The following CERS3 variants were observed in gnomAD, a reference collection of about 807,000 sequenced individuals.
CERS3 encodes the protein LAG1 homolog, ceramide synthase 3.
Under a neutral mutation model 50.3 loss-of-function variants are expected in CERS3, and 33 were observed. The ratio of observed to expected loss-of-function variants is 0.66; its 90% CI spans 0.50 to 0.88. CERS3 has a LOEUF of 0.88. Ranked by LOEUF, CERS3 falls within the 40% of genes least tolerant of loss-of-function variation. CERS3 has a pLI of 0.00. For missense variants in CERS3, 470 were observed against 460.3 expected (o/e 1.02, Z -0.19); for synonymous variants, 176 against 155.2 (o/e 1.13, Z -0.99).
intron 1 of CERS3, among the ~76,000 whole-genome samples, chr15:100,524,983 G>A (rs1451519384): frequency 6.6e-6 from 1 of 152,166 alleles, no homozygotes; most frequent in African/African-American, 2.4e-5. Context: ...CCTGAATATA[G>A]TAAGTAAAAG....
At chr15:100,513,247 G>A (rs11634709) in intron 2 of CERS3, among the ~76,000 whole-genome samples, 49,125 of 151,884 alleles carry the variant, frequency 0.32, 8,082 homozygotes, top group East Asian at 0.37. Context: ...AAATGCTCCA[G>A]GCGGCTACTG....
chr15:100,420,369 A>T (rs1324309501), intron 11 of CERS3, among the ~76,000 whole-genome samples: 1 of 152,216 alleles, frequency 6.6e-6, no homozygotes, highest in Non-Finnish European at 1.5e-5. Flanking sequence ...ACACTCTCCC[A>T]AGACTAAACC....
chr15:100,429,570 C>T (rs988516451), intron 11 of CERS3, among the ~76,000 whole-genome samples: 4 of 152,116 alleles, frequency 2.6e-5, no homozygotes, highest in African/African-American at 9.7e-5. Context: ...CCCTGGAGCG[C>T]CCACGCATTC....
intron 5 of CERS3, among the ~76,000 whole-genome samples, chr15:100,483,620 A>T (rs1288294301): frequency 1.3e-5 from 2 of 151,924 alleles, no homozygotes; most frequent in Non-Finnish European, 2.9e-5. Flanking sequence ...AAGAAATAGT[A>T]TCGGAATAGG....
At chr15:100,495,996 A>G (rs947420357) in intron 3 of CERS3, among the ~76,000 whole-genome samples, 7 of 152,266 alleles carry the variant, frequency 4.6e-5, no homozygotes, top group South Asian at 2.1e-4. Flanking sequence ...GCCTTTTTGA[A>G]TATTTAATAT....
chr15:100,450,800 A>C (rs1157456372), intron 11 of CERS3, among the ~76,000 whole-genome samples: 2 of 152,200 alleles, frequency 1.3e-5, no homozygotes, highest in Non-Finnish European at 2.9e-5. Flanking sequence ...TTCTAAGAAC[A>C]GCAACAGAAA....
intron 10 of CERS3, among the ~76,000 whole-genome samples, chr15:100,456,533 G>C (rs1239446057): frequency 6.6e-6 from 1 of 152,168 alleles, no homozygotes; most frequent in East Asian, 1.9e-4. Flanking sequence ...AAAATTCCAT[G>C]AGTACTTAAC....
At chr15:100,503,753 T>C (rs1188384000) in intron 2 of CERS3, 2 of 470,630 alleles carry the variant, frequency 4.2e-6, no homozygotes, top group Non-Finnish European at 8.8e-6. Flanking sequence ...CCTCAGGAGA[T>C]GGAGAAACTA....
In CERS3 at chr15:100,480,828, T is replaced by C. The variant is rs192268764; in HGVS notation, c.408-782A>G. On this transcript the variant is annotated intron_variant, in intron 5 of 11. Coordinates refer to ENST00000679737, the MANE Select transcript of CERS3 (RefSeq NM_001378789.1). Reference sequence around the variant, plus strand: ...ACAAATGAAATAACAGTGTCTGATATTTGCTTCCAAACCTATCTGTGGTAG... The same window carrying C: ...ACAAATGAAATAACAGTGTCTGATACTTGCTTCCAAACCTATCTGTGGTAG... 2.5e-4 allele frequency among the ~76,000 whole-genome samples: 38 copies of C among 152,314 alleles called. No homozygotes were observed. The East Asian group carries it at 7.3e-3, about 29-fold the overall frequency.
At chr15:100,419,656 T>C (rs2032252540) in intron 11 of CERS3, among the ~76,000 whole-genome samples, 1 of 151,410 alleles carries the variant, frequency 6.6e-6, no homozygotes, top group African/African-American at 2.4e-5. Context: ...ACCACACCTA[T>C]TCCAAAATTG....
At chr15:100,487,310 C>A (rs901305606) in intron 4 of CERS3, among the ~76,000 whole-genome samples, 2 of 152,164 alleles carry the variant, frequency 1.3e-5, no homozygotes, top group East Asian at 1.9e-4. Flanking sequence ...TAATAGCTGA[C>A]CTTTACTGAG....
At chr15:100,442,782 C>T (rs538544318) in intron 11 of CERS3, among the ~76,000 whole-genome samples, 210 of 152,350 alleles carry the variant, frequency 1.4e-3, no homozygotes, top group African/African-American at 4.5e-3. Context: ...CCGATCACCT[C>T]GGAAGCCCCC....
chr15:100,441,589 A>T (rs982068019), intron 11 of CERS3, among the ~76,000 whole-genome samples: 1 of 151,980 alleles, frequency 6.6e-6, no homozygotes, highest in Non-Finnish European at 1.5e-5. Context: ...CAAAAACCTA[A>T]AACCTCTTTA....
intron 11 of CERS3, among the ~76,000 whole-genome samples, chr15:100,416,907 G>A (rs1458043224): frequency 2.6e-5 from 4 of 151,854 alleles, no homozygotes; most frequent in Non-Finnish European, 4.4e-5. Flanking sequence ...TTAAAAAACG[G>A]GCAAAAGACA....
intron 11 of CERS3, among the ~76,000 whole-genome samples, chr15:100,444,379 A>AC (rs61597261): frequency 0.99 from 150,090 of 152,112 alleles, 74,060 homozygotes; most frequent in Middle Eastern, 1. Flanking sequence ...TATTCCGGAT[A>AC]CACACCTGAC....
chr15:100,409,049 C>T (rs1478971417), intron 11 of CERS3, among the ~76,000 whole-genome samples: 1 of 152,110 alleles, frequency 6.6e-6, no homozygotes, highest in African/African-American at 2.4e-5. Context: ...GTAGGCTGCA[C>T]AAATACTTGA....
chr15:100,505,195 T>TC (rs998604248), intron 2 of CERS3, among the ~76,000 whole-genome samples: 11 of 152,022 alleles, frequency 7.2e-5, no homozygotes, highest in African/African-American at 1.2e-4. Context: ...GAGTTAGGTT[T>TC]CCCCCCCAAT....
chr15:100,440,349 T>C (rs972136776), intron 11 of CERS3, among the ~76,000 whole-genome samples: 1 of 152,284 alleles, frequency 6.6e-6, no homozygotes, highest in African/African-American at 2.4e-5. Context: ...ACTGATGACA[T>C]TATCTTGTGA....
intron 11 of CERS3, among the ~76,000 whole-genome samples, chr15:100,417,912 A>C (rs1360228032): frequency 6.6e-6 from 1 of 152,056 alleles, no homozygotes; most frequent in African/African-American, 2.4e-5. Context: ...AAGGACATCC[A>C]CACCGAAAAC....
Sources: allele counts gnomAD v4.1 joint callset (sites outside exome capture counted in the v4.1 genomes callset), GRCh38; gene constraint gnomAD v4.1.1; transcripts MANE v1.5; gene names NCBI Gene and HGNC (gene_info 2026-07-23, HGNC 2026-07-21).